Variants in KIAA1328 observed in about 807,000 individuals in gnomAD.
KIAA1328 encodes KIAA1328, also known as protein hinderin.
In KIAA1328, 52 loss-of-function variants were observed where a neutral mutation model predicts 68.1. That is an observed-to-expected ratio of 0.76 (90% confidence interval 0.61 to 0.96). KIAA1328 has a LOEUF of 0.96. Ranked by LOEUF, KIAA1328 falls within the 40% of genes least tolerant of loss-of-function variation. KIAA1328 has a pLI of 0.00. For missense variants in KIAA1328, 641 were observed against 677.6 expected, an observed-to-expected ratio of 0.95 and a Z score of 0.60; for synonymous variants, 232 against 239.4, an observed-to-expected ratio of 0.97 and a Z score of 0.28.
At chr18:36,899,622 G>A (rs776830783) in intron 5 of KIAA1328, among the ~76,000 whole-genome samples, 1 of 151,906 alleles carries the variant, frequency 6.6e-6, no homozygotes, top group Non-Finnish European at 1.5e-5. Flanking sequence ...TATCTGGACT[G>A]CATTTGAGAT....
chr18:36,840,987 A>G (rs72885240), intron 3 of KIAA1328, among the ~76,000 whole-genome samples: 4,121 of 152,226 alleles, frequency 0.027, 80 homozygotes, highest in Middle Eastern at 0.058. Flanking sequence ...AGGAGAGGAA[A>G]AGAAGGAAGA....
chr18:36,934,579 C>T (rs987483092), intron 5 of KIAA1328, among the ~76,000 whole-genome samples: 22 of 151,962 alleles, frequency 1.4e-4, no homozygotes, highest in African/African-American at 3.1e-4. Context: ...TTTGTCCTTG[C>T]GATAGTTTAC....
downstream of KIAA1328, among the ~76,000 whole-genome samples, chr18:37,226,264 C>T (rs917520712): frequency 1.3e-5 from 2 of 150,358 alleles, no homozygotes; most frequent in African/African-American, 5.0e-5. Context: ...CAATCAGCAA[C>T]GAAAGCCCTT....
At chr18:37,159,077 T>C (rs1377416582) in intron 7 of KIAA1328, among the ~76,000 whole-genome samples, 2 of 152,222 alleles carry the variant, frequency 1.3e-5, no homozygotes, top group African/African-American at 2.4e-5. Context: ...ATCACTTTTA[T>C]ACATTTTCTT....
chr18:37,162,369 A>C (rs960722285), intron 8 of KIAA1328, among the ~76,000 whole-genome samples: 2 of 152,090 alleles, frequency 1.3e-5, no homozygotes, highest in Non-Finnish European at 2.9e-5. Context: ...TCTACTCATG[A>C]AAAAGACCGC....
chr18:36,963,186 G>A (rs1242832327), intron 6 of KIAA1328, among the ~76,000 whole-genome samples: 5 of 152,196 alleles, frequency 3.3e-5, no homozygotes, highest in African/African-American at 9.6e-5. Flanking sequence ...TATTGTTTAT[G>A]TGAAGTTTCC....
At chr18:37,096,310 G>C (rs1031695335) in intron 7 of KIAA1328, among the ~76,000 whole-genome samples, 1 of 152,082 alleles carries the variant, frequency 6.6e-6, no homozygotes, top group African/African-American at 2.4e-5. Context: ...TCCCACCTAA[G>C]AGTGAGAACA....
chr18:36,963,373 C>T (rs1598837189), intron 6 of KIAA1328, among the ~76,000 whole-genome samples: 1 of 152,086 alleles, frequency 6.6e-6, no homozygotes, highest in East Asian at 1.9e-4. Context: ...GAAGGCCAAT[C>T]CATTTGGCAA....
chr18:37,087,277 C>T (rs2057133086), intron 7 of KIAA1328, among the ~76,000 whole-genome samples: 1 of 152,112 alleles, frequency 6.6e-6, no homozygotes, highest in South Asian at 2.1e-4. Context: ...CCAGGCTTGT[C>T]TCAAACTCCT....
intron 5 of KIAA1328, among the ~76,000 whole-genome samples, chr18:36,899,170 T>C (rs1218164063): frequency 1.3e-5 from 2 of 151,292 alleles, no homozygotes; most frequent in East Asian, 1.9e-4. Context: ...TCTCTTTTAC[T>C]CTTAGTTTGC....
rs551757292 is a variant in KIAA1328, at chr18:37,062,934, TCA to T, written c.577-3953_577-3952del. Among the ~76,000 whole-genome samples, 230 of 152,252 alleles carry T rather than the reference TCA, an allele frequency of 1.5e-3. 1 individual carries two copies. Among genetic ancestry groups the T allele is most frequent in the Non-Finnish European group, 2.8e-3 (189 of 68,016 alleles). On this transcript the variant is annotated intron_variant, in intron 6 of 9. Transcript: ENST00000280020. ...TTTAAAGCTATGCAGATTTATTACC[TCA>T]CAACGGTTTCTGTGGGTCATGAGTA...
chr18:37,216,979 G>GC (rs2060453105), intron 9 of KIAA1328, among the ~76,000 whole-genome samples: 1 of 71,064 alleles, frequency 1.4e-5, no homozygotes. Context: ...CTTTTTTTTT[G>GC]TTTTTTTTTT....
At chr18:36,910,647 T>G (rs1349430987) in intron 5 of KIAA1328, among the ~76,000 whole-genome samples, 1 of 152,134 alleles carries the variant, frequency 6.6e-6, no homozygotes, top group South Asian at 2.1e-4. Flanking sequence ...TAGTTTTTTC[T>G]AATTCTGTGA....
At chr18:36,841,542 C>T (rs1002599958) in intron 3 of KIAA1328, among the ~76,000 whole-genome samples, 1 of 151,928 alleles carries the variant, frequency 6.6e-6, no homozygotes, top group South Asian at 2.1e-4. Context: ...TTTGGTAATT[C>T]GTATCCTGAA....
chr18:37,039,684 T>C (rs1599050959), intron 6 of KIAA1328, among the ~76,000 whole-genome samples: 1 of 152,212 alleles, frequency 6.6e-6, no homozygotes, highest in Non-Finnish European at 1.5e-5. Context: ...GTGCTGGGAT[T>C]ACAGGCATCA....
At chr18:37,139,258 C>T (rs1026312422) in intron 7 of KIAA1328, among the ~76,000 whole-genome samples, 6 of 152,068 alleles carry the variant, frequency 3.9e-5, no homozygotes, top group Admixed American at 1.3e-4. Context: ...CCACCGTGCC[C>T]GGCCAAAATG....
chr18:37,020,140 T>C (rs2151524148), intron 6 of KIAA1328, among the ~76,000 whole-genome samples: 1 of 152,268 alleles, frequency 6.6e-6, no homozygotes, highest in East Asian at 1.9e-4. Context: ...TTTCTTTTTT[T>C]GGAGACAGAG....
chr18:36,990,853 T>A (rs1332405382), intron 6 of KIAA1328, among the ~76,000 whole-genome samples: 1 of 152,112 alleles, frequency 6.6e-6, no homozygotes, highest in African/African-American at 2.4e-5. Flanking sequence ...AGATTTTGAA[T>A]TATAGGTGCT....
At chr18:36,888,182 A>G (rs771676845) in intron 5 of KIAA1328, among the ~76,000 whole-genome samples, 1 of 152,196 alleles carries the variant, frequency 6.6e-6, no homozygotes, top group South Asian at 2.1e-4. Context: ...GGGGGAGAAC[A>G]CTACTACTGT....
Sources: gnomAD v4.1 joint callset for allele counts (sites outside exome capture counted in the v4.1 genomes callset) on GRCh38, gnomAD v4.1.1 for gene constraint, MANE v1.5 for transcripts, NCBI Gene and HGNC (gene_info 2026-07-23, HGNC 2026-07-21) for gene names.